Variants in CCDC178 observed in about 807,000 individuals in gnomAD.
CCDC178 encodes coiled-coil domain-containing protein 178.
In CCDC178, 126 loss-of-function variants were observed where a neutral mutation model predicts 117.4. The ratio of observed to expected loss-of-function variants is 1.07; its 90% CI spans 0.93 to 1.24. CCDC178 has a LOEUF of 1.24. CCDC178 is among the 50% of genes most tolerant of loss of function. The probability of loss-of-function intolerance (pLI) is 0.00; values close to 1 mark genes in which losing one functional copy is unlikely to be tolerated. For synonymous variants in CCDC178, 283 were observed against 313.4 expected, an observed-to-expected ratio of 0.90 and a Z score of 1.02; for missense variants, 1,030 against 986.9, an observed-to-expected ratio of 1.04 and a Z score of -0.59.
chr18:32,987,620 A>G (rs1240781849), intron 21 of CCDC178, among the ~76,000 whole-genome samples: 3 of 152,184 alleles, frequency 2.0e-5, no homozygotes, highest in Non-Finnish European at 4.4e-5. Flanking sequence ...CTTGTAACTT[A>G]TATACATTAA....
intron 2 of CCDC178, among the ~76,000 whole-genome samples, chr18:33,421,996 C>G (rs578091839): frequency 6.6e-6 from 1 of 152,246 alleles, no homozygotes; most frequent in East Asian, 1.9e-4. Flanking sequence ...TTCACTATCC[C>G]AAAACCCACA....
At chr18:33,044,000 T>C (rs1456533508) in intron 21 of CCDC178, among the ~76,000 whole-genome samples, 2 of 151,416 alleles carry the variant, frequency 1.3e-5, no homozygotes, top group East Asian at 1.9e-4. Context: ...CAGAATTTTC[T>C]AGATTGATGT....
chr18:33,137,967 C>CT (rs947785407), intron 20 of CCDC178, among the ~76,000 whole-genome samples: 1 of 152,176 alleles, frequency 6.6e-6, no homozygotes, highest in African/African-American at 2.4e-5. Flanking sequence ...AGGATATATT[C>CT]TTTAGCCATT....
intron 5 of CCDC178, among the ~76,000 whole-genome samples, chr18:33,374,115 C>A (rs1359421748): frequency 6.6e-6 from 1 of 152,118 alleles, no homozygotes; most frequent in African/African-American, 2.4e-5. Context: ...AGTGATCCCG[C>A]TGAGTTGAAA....
At chr18:33,291,952 CGTT>C (rs2060170765) in intron 12 of CCDC178, among the ~76,000 whole-genome samples, 2 of 151,188 alleles carry the variant, frequency 1.3e-5, no homozygotes, top group Admixed American at 6.6e-5. Flanking sequence ...TACTCTTAAA[CGTT>C]GTTGTTGGGA....
intron 14 of CCDC178, among the ~76,000 whole-genome samples, chr18:33,250,544 A>C (rs1486202094): frequency 6.6e-6 from 1 of 151,728 alleles, no homozygotes. Flanking sequence ...AATAAGAAAC[A>C]AGGTAAAAGT....
At chr18:33,168,730 C>T (rs148920034) in intron 20 of CCDC178, among the ~76,000 whole-genome samples, 71 of 152,166 alleles carry the variant, frequency 4.7e-4, no homozygotes, top group Non-Finnish European at 8.1e-4. Context: ...TATGTCCTAA[C>T]GGTGTAAATG....
chr18:33,093,194 T>G (rs748398233), intron 20 of CCDC178, among the ~76,000 whole-genome samples: 1 of 152,078 alleles, frequency 6.6e-6, no homozygotes, highest in Admixed American at 6.6e-5. Flanking sequence ...GCCTTTTTCC[T>G]GAACTTCCCT....
At chr18:33,215,456 AC>A (rs1317411578) in intron 19 of CCDC178, 93 bp downstream of exon 19, 5 of 764,550 alleles carry the variant, frequency 6.5e-6, no homozygotes, top group African/African-American at 1.9e-5. Flanking sequence ...AAAAATACGA[AC>A]CATTTTAAGA....
intron 17 of CCDC178, 127 bp downstream of exon 17, chr18:33,224,648 T>C: frequency 1.8e-6 from 1 of 541,738 alleles, no homozygotes; most frequent in Non-Finnish European, 3.0e-6. Flanking sequence ...TGCGTGGTCC[T>C]GAAATAGTTA....
chr18:33,209,602 C>T (rs534841654), intron 20 of CCDC178, among the ~76,000 whole-genome samples: 8 of 152,064 alleles, frequency 5.3e-5, no homozygotes, highest in South Asian at 2.1e-4. Context: ...CAGGTTTCTA[C>T]GAGAAATCAC....
chr18:33,272,928 C>T (rs1042381826), intron 12 of CCDC178, among the ~76,000 whole-genome samples: 5 of 150,980 alleles, frequency 3.3e-5, no homozygotes, highest in African/African-American at 1.2e-4. Context: ...TGAAAGCCAA[C>T]ATCATACTTG....
chr18:33,168,053 G>A (rs1413046397), intron 20 of CCDC178, among the ~76,000 whole-genome samples: 2 of 152,010 alleles, frequency 1.3e-5, no homozygotes, highest in Non-Finnish European at 2.9e-5. Context: ...TTACTCTGTG[G>A]ATAGTTTCTT....
chr18:32,996,236 T>G (rs1226720692), intron 21 of CCDC178, among the ~76,000 whole-genome samples: 4 of 152,060 alleles, frequency 2.6e-5, no homozygotes, highest in South Asian at 2.1e-4. Flanking sequence ...ATAAAATCTG[T>G]AGTAATAAAG....
At chr18:33,347,448 A>G (rs1399039699) in intron 8 of CCDC178, among the ~76,000 whole-genome samples, 1 of 152,188 alleles carries the variant, frequency 6.6e-6, no homozygotes, top group African/African-American at 2.4e-5. Context: ...CCTCAGAAGC[A>G]TTCTTATAAA....
Position 33,261,081 on chromosome 18 carries a change from C to CTGTTTGTTTGTT in CCDC178, c.1409+5823_1409+5834dup, listed in dbSNP as rs10687374. Among the ~76,000 whole-genome samples, 241 of 149,440 alleles carry CTGTTTGTTTGTT rather than the reference C, an allele frequency of 1.6e-3. 4 individuals are homozygous for CTGTTTGTTTGTT. Among genetic ancestry groups the CTGTTTGTTTGTT allele is most frequent in the African/African-American group, 5.6e-3 (228 of 40,668 alleles). On this transcript the variant is annotated intron_variant, in intron 14 of 22. Coordinates refer to ENST00000383096, the MANE Select transcript of CCDC178 (RefSeq NM_001105528.4). ...ATTTTAATATCAGGGTTTTTTTTTT[C>CTGTTTGTTTGTT]TGTTTGTTTGTTTGTTTGTTGAGAC... is the stretch of plus-strand genomic sequence containing the variant.
chr18:33,107,415 G>A (rs540511714), intron 20 of CCDC178, among the ~76,000 whole-genome samples: 71 of 151,482 alleles, frequency 4.7e-4, no homozygotes, highest in Non-Finnish European at 8.0e-4. Context: ...ACCATAATCC[G>A]GAAAGACACA....
At chr18:33,220,950 T>C in intron 18 of CCDC178, among the ~76,000 whole-genome samples, 1 of 152,062 alleles carries the variant, frequency 6.6e-6, no homozygotes. Flanking sequence ...TATACTTGAA[T>C]GTATTTAAGC....
intron 22 of CCDC178, among the ~76,000 whole-genome samples, chr18:32,947,645 T>C (rs1392210352): frequency 6.6e-6 from 1 of 152,162 alleles, no homozygotes; most frequent in African/African-American, 2.4e-5. Context: ...CCTACAAATA[T>C]TTTCTTCCTA....
Sources: allele counts gnomAD v4.1 joint callset (sites outside exome capture counted in the v4.1 genomes callset), GRCh38; gene constraint gnomAD v4.1.1; transcripts MANE v1.5; gene names NCBI Gene and HGNC (gene_info 2026-07-23, HGNC 2026-07-21).